HCLS1: variants seen among roughly 807,000 people sequenced by gnomAD.
HCLS1 encodes the protein hematopoietic lineage cell-specific protein.
In HCLS1, 44 loss-of-function variants were observed where a neutral mutation model predicts 68.6. The ratio of observed to expected loss-of-function variants is 0.64; its 90% CI spans 0.50 to 0.82. The LOEUF is 0.82. HCLS1 is among the 40% of genes least tolerant of loss of function. The pLI is 0.00. For synonymous variants in HCLS1, 217 were observed against 225.8 expected (o/e 0.96, Z 0.35); for missense variants, 602 against 612.1 (o/e 0.98, Z 0.17).
intron 5 of HCLS1, chr3:121,644,589 T>C (rs1436155489): frequency 7.6e-6 from 5 of 655,294 alleles, no homozygotes; most frequent in Non-Finnish European, 8.5e-6. Context: ...AAACACACAG[T>C]TTGAGAGTCT....
chr3:121,643,560 A>T (rs11716984), intron 5 of HCLS1: 33,491 of 152,342 alleles, frequency 0.22, 4,228 homozygotes, highest in Non-Finnish European at 0.29. Context: ...TGGAAACACA[A>T]ATATGTGGAT....
Position 121,631,808 on chromosome 3 carries a change from C to A in HCLS1, c.*38G>T, listed in dbSNP as rs116381221. 1,789 of 1,611,596 alleles carry A rather than the reference C, an allele frequency of 1.1e-3. 22 individuals are homozygous for A. In the African/African-American group the frequency reaches 0.021, roughly 19 times the overall value. On this transcript the variant is annotated 3_prime_UTR_variant, in exon 14 of 14. Transcript: ENST00000314583. ...GGGGTGGAGGCAGAGCCACTTTGGA[C>A]ATGGGAAATCACAGTTGCAGTAGAC...
In HCLS1 at chr3:121,642,511, C is replaced by T. The variant is rs558455819; in HGVS notation, c.454+416G>A. Among the ~76,000 whole-genome samples the T allele has an allele frequency of 3.3e-4, 50 of 151,820 alleles. No individual in the cohort carries two copies. The South Asian group carries it at 0.01, about 30-fold the overall frequency. On this transcript the variant is annotated intron_variant, in intron 6 of 13. Transcript: ENST00000314583. ...TGTAAAATAGCGGTGGGTGTGGTGG[C>T]TCATGCCTGTAATCCCAGCACTTTG...
chr3:121,639,281 T>A (rs537810771), intron 6 of HCLS1, among the ~76,000 whole-genome samples: 2 of 152,108 alleles, frequency 1.3e-5, no homozygotes, highest in African/African-American at 4.8e-5. Flanking sequence ...TATAGAACAT[T>A]GACCAAATAG....
intron 4 of HCLS1, among the ~76,000 whole-genome samples, chr3:121,646,423 A>AGATT: frequency 9.9e-6 from 1 of 101,288 alleles, no homozygotes; most frequent in African/African-American, 4.1e-5. Context: ...AATAATATGT[A>AGATT]ATATAATGTA....
intron 10 of HCLS1, 35 bp from the exon 11 acceptor site, chr3:121,633,206 C>A (rs1222874413): frequency 3.2e-5 from 43 of 1,363,324 alleles, no homozygotes; most frequent in Non-Finnish European, 4.1e-5. Context: ...AGTAAGCAAG[C>A]CTCCATCTTC....
In HCLS1 at chr3:121,631,991, A is replaced by G. The variant is rs751951891; in HGVS notation, c.1325-9T>C. Reference sequence around the variant, plus strand: ...AAGCTCATCACTTCCCTCTGGGGAGAAAGTTGAGGGGATATTAGAATGGTC... The same window carrying G: ...AAGCTCATCACTTCCCTCTGGGGAGGAAGTTGAGGGGATATTAGAATGGTC... On this transcript the variant is annotated splice_polypyrimidine_tract_variant and intron_variant, in intron 13 of 13. Coordinates refer to ENST00000314583, the MANE Select transcript of HCLS1 (RefSeq NM_005335.6). The G allele has an allele frequency of 6.2e-7, 1 of 1,614,112 alleles. No homozygotes were observed. Among genetic ancestry groups the G allele is most frequent in the South Asian group, 1.1e-5 (1 of 91,070 alleles).
rs1045342255 is a variant in HCLS1, at chr3:121,644,875, C to G, written c.342G>C (p.Thr114=). The G allele has an allele frequency of 1.9e-6, 3 of 1,614,088 alleles. No individual in the cohort carries two copies. The highest frequency in any genetic ancestry group is 1.6e-4 in the Middle Eastern group (1 of 6,062). The change falls in exon 5 of 14, where the codon ACG becomes ACC. Residue 114 remains threonine, a synonymous_variant. Transcript: ENST00000314583. The part of the protein sequence containing the change: ...VAEVEKHSSQ[T]DAAKGFGGKY... The stretch of plus-strand genomic sequence containing the variant: ...TGCCCCCAAAGCCTTTGGCAGCATC[C>G]GTCTGAGAAGAGTGCTTCTCCACCT...
At chr3:121,645,623 C>A (rs1021241649) in intron 4 of HCLS1, among the ~76,000 whole-genome samples, 2 of 151,986 alleles carry the variant, frequency 1.3e-5, no homozygotes, top group African/African-American at 2.4e-5. Flanking sequence ...AACAGGCCAG[C>A]AGTTCTAATA....
chr3:121,646,766 T>C (rs1019642996), intron 4 of HCLS1, among the ~76,000 whole-genome samples: 2 of 135,122 alleles, frequency 1.5e-5, no homozygotes, highest in African/African-American at 5.4e-5. Flanking sequence ...ACTTATATAA[T>C]TATATACTTA....
intron 3 of HCLS1, 76 bp from the exon 4 acceptor site, chr3:121,647,524 C>T: frequency 3.3e-6 from 5 of 1,521,254 alleles, no homozygotes; most frequent in Non-Finnish European, 4.5e-6. Flanking sequence ...AAAATGGAAG[C>T]CTTGAAGTCT....
chr3:121,653,666 C>G (rs11714406), intron 3 of HCLS1: 5 of 151,996 alleles, frequency 3.3e-5, no homozygotes, highest in Admixed American at 3.3e-4. Flanking sequence ...GGAATCAGTC[C>G]CTAGAGCTCC....
rs141353721 is a variant in HCLS1, at chr3:121,652,110, C to T, written c.159-4662G>A. The stretch of plus-strand genomic sequence containing the variant: ...CAACACCATGGATAAATCTGGAAAA[C>T]ATTATGCTGAAAGAAGACAACACAA... On this transcript the variant is annotated intron_variant, in intron 3 of 13. Coordinates refer to ENST00000314583, the MANE Select transcript of HCLS1 (RefSeq NM_005335.6). Among the ~76,000 whole-genome samples the T allele has an allele frequency of 6.0e-3, 914 of 152,220 alleles. 12 individuals are homozygous for T. Among genetic ancestry groups the T allele is most frequent in the African/African-American group, 0.021 (857 of 41,526 alleles).
At position 121,632,468 on chromosome 3, in the gene HCLS1, G is replaced by GGGATCAGGCTCA; in HGVS notation, c.1103_1104insTGAGCCTGATCC (p.Pro370_Glu371insAspProGluPro). 23 of 1,613,118 alleles carry GGGATCAGGCTCA rather than the reference G, an allele frequency of 1.4e-5. No individual in the cohort carries two copies. Among genetic ancestry groups the GGGATCAGGCTCA allele is most frequent in the Non-Finnish European group, 1.9e-5 (22 of 1,179,660 alleles). On this transcript the variant is annotated inframe_insertion, in exon 12 of 14. Transcript: ENST00000314583. ...CATTCTCAGGCTCGGGCTCAGGCTC[G>GGGATCAGGCTCA]GGCTCAGGCTCAGGCTCTGCTTCGT... is the stretch of plus-strand genomic sequence containing the variant.
intron 10 of HCLS1, among the ~76,000 whole-genome samples, chr3:121,633,730 G>T (rs1026192457): frequency 6.6e-6 from 1 of 151,860 alleles, no homozygotes; most frequent in African/African-American, 2.4e-5. Flanking sequence ...TATAGCGATA[G>T]GTTCTTACTA....
chr3:121,655,427 T>A (rs2107479056), intron 3 of HCLS1: 1 of 151,666 alleles, frequency 6.6e-6, no homozygotes, highest in East Asian at 1.9e-4. Context: ...TATTTTTTTT[T>A]AAGTTATTTC....
At chr3:121,646,204 A>G (rs1383113917) in intron 4 of HCLS1, among the ~76,000 whole-genome samples, 1 of 110,050 alleles carries the variant, frequency 9.1e-6, no homozygotes, top group Non-Finnish European at 1.6e-5. Flanking sequence ...TAAATATATT[A>G]TTTATATTTT....
At chr3:121,639,667 GTCCCCTGA>G (rs2049180040) in intron 6 of HCLS1, among the ~76,000 whole-genome samples, 1 of 152,086 alleles carries the variant, frequency 6.6e-6, no homozygotes, top group East Asian at 1.9e-4. Context: ...TCCCACATTA[GTCCCCTGA>G]ATAGCTGGGA....
At chr3:121,634,486 A>G in intron 9 of HCLS1, 68 bp from the exon 10 acceptor site, 1 of 1,397,172 alleles carries the variant, frequency 7.2e-7, no homozygotes, top group Non-Finnish European at 1.0e-6. Flanking sequence ...ATGGCACTTG[A>G]AGGAAGAAGG....
Sources: gnomAD v4.1 joint callset for allele counts (sites outside exome capture counted in the v4.1 genomes callset) on GRCh38, gnomAD v4.1.1 for gene constraint, MANE v1.5 for transcripts, NCBI Gene and HGNC (gene_info 2026-07-23, HGNC 2026-07-21) for gene names.